SPATA12: variants seen among roughly 807,000 people sequenced by gnomAD.
SPATA12 encodes the protein spermatogenesis-associated protein 12.
For synonymous variants in SPATA12, 85 were observed against 89.2 expected (o/e 0.95, Z 0.26); for missense variants, 219 against 226.4 (o/e 0.97, Z 0.21).
intron 1 of SPATA12, among the ~76,000 whole-genome samples, chr3:57,061,402 A>T (rs1705217401): frequency 6.6e-6 from 1 of 152,134 alleles, no homozygotes; most frequent in African/African-American, 2.4e-5. Context: ...GGCTCAAGAG[A>T]TCCTCCTATC....
chr3:57,063,135 T>C (rs1705323936), intron 1 of SPATA12, among the ~76,000 whole-genome samples: 1 of 152,176 alleles, frequency 6.6e-6, no homozygotes, highest in African/African-American at 2.4e-5. Context: ...AGGTGCATTT[T>C]GGGCAGCGGG....
chr3:57,072,117 TAAC>T (rs142288086), intron 1 of SPATA12, among the ~76,000 whole-genome samples: 14,442 of 152,130 alleles, frequency 0.095, 903 homozygotes, highest in East Asian at 0.35. Flanking sequence ...AGATGGATAA[TAAC>T]AAGAGTTGAT....
chr3:57,062,419 C>A (rs1028138855), intron 1 of SPATA12, among the ~76,000 whole-genome samples: 1 of 152,222 alleles, frequency 6.6e-6, no homozygotes, highest in Non-Finnish European at 1.5e-5. Flanking sequence ...CCACAGCCCC[C>A]ACTCGGGCTC....
At chr3:57,066,840 G>C (rs1705566344) in intron 1 of SPATA12, among the ~76,000 whole-genome samples, 1 of 152,096 alleles carries the variant, frequency 6.6e-6, no homozygotes, top group Non-Finnish European at 1.5e-5. Context: ...ATTCTACCCA[G>C]AGAGCCTTTG....
Position 57,074,005 on chromosome 3 carries a change from G to A in SPATA12, c.311G>A (p.Arg104Lys). 2 of 1,614,198 alleles carry A rather than the reference G, an allele frequency of 1.2e-6. No individual in the cohort carries two copies. Among genetic ancestry groups the A allele is most frequent in the Non-Finnish European group, 8.5e-7 (1 of 1,180,034 alleles). The change falls in exon 2 of 2, where the codon AGA becomes AAA. Residue 104 changes from arginine to lysine, a missense_variant. Coordinates refer to ENST00000334325, the MANE Select transcript of SPATA12 (RefSeq NM_181727.2). The stretch of plus-strand genomic sequence containing the variant: ...GTATCCCAAATAAATCTTCTGGGAA[G>A]ACCCTCTTCACCTCCAGCTCTCCTG... ...IAVSQINLLG[R>K]PSSPPALLIQ... is the part of the protein sequence containing the mutation.
chr3:57,066,402 C>T (rs183664433), intron 1 of SPATA12, among the ~76,000 whole-genome samples: 5 of 152,278 alleles, frequency 3.3e-5, no homozygotes, highest in Non-Finnish European at 7.4e-5. Flanking sequence ...GCTGGGATTG[C>T]AGGCACCCGC....
chr3:57,073,751 G>A lies in SPATA12; in HGVS notation c.57G>A (p.Trp19Ter), dbSNP rs755584499. The change falls in exon 2 of 2, where the codon TGG becomes TGA. Residue 19 changes from tryptophan (W) to a stop codon, truncating the protein, a stop_gained. Coordinates refer to ENST00000334325, the MANE Select transcript of SPATA12 (RefSeq NM_181727.2). LOFTEE classifies it low-confidence loss of function (END_TRUNC). ...GSTLEKSGDT[W>*]EMKALDSSRL... is the part of the protein sequence containing the mutation. ...CCTTAGAAAAGTCAGGAGACACCTG[G>A]GAAATGAAGGCACTAGACTCTTCCA... 4 of 1,614,064 alleles carry A rather than the reference G, an allele frequency of 2.5e-6. No homozygotes were observed. The South Asian group carries it at 4.4e-5, about 18-fold the overall frequency.
chr3:57,066,707 A>G (rs1022733688), intron 1 of SPATA12, among the ~76,000 whole-genome samples: 2 of 152,212 alleles, frequency 1.3e-5, no homozygotes, highest in Non-Finnish European at 2.9e-5. Context: ...TATTTTTTAG[A>G]TGAGATTAAC....
Position 57,074,846 on chromosome 3 carries a change from C to G in SPATA12, c.*579C>G, listed in dbSNP as rs1159880544. Reference sequence around the variant, plus strand: ...CATTCCCCAGGTGGCAGTTTCAGAACACATTGCTCAGGTCTCACCCTGTAA... The same window carrying G: ...CATTCCCCAGGTGGCAGTTTCAGAAGACATTGCTCAGGTCTCACCCTGTAA... On this transcript the variant is annotated 3_prime_UTR_variant, in exon 2 of 2. Transcript: ENST00000334325. 2 of 168,408 alleles carry G rather than the reference C, an allele frequency of 1.2e-5. No individual in the cohort carries two copies. The allele number at this position is 168,408 out of a possible 1,614,324, so 10.4% of individuals were successfully genotyped here. A position where few individuals can be genotyped will look rare whatever the true frequency, so the allele number is the denominator to read the frequency against.
intron 1 of SPATA12, among the ~76,000 whole-genome samples, chr3:57,061,120 G>A (rs957090722): frequency 6.6e-6 from 1 of 152,024 alleles, no homozygotes; most frequent in Non-Finnish European, 1.5e-5. Flanking sequence ...TACCCATTCA[G>A]CGGTAACTCC....
intron 1 of SPATA12, among the ~76,000 whole-genome samples, chr3:57,068,703 T>C (rs1306777736): frequency 6.6e-6 from 1 of 152,200 alleles, no homozygotes; most frequent in African/African-American, 2.4e-5. Flanking sequence ...AGCCAAGCTG[T>C]ACCTTCTGAG....
chr3:57,062,702 G>GCACA (rs148193521), intron 1 of SPATA12, among the ~76,000 whole-genome samples: 1 of 150,192 alleles, frequency 6.7e-6, no homozygotes, highest in Non-Finnish European at 1.5e-5. Context: ...CTACACACAT[G>GCACA]CACACACACA....
At chr3:57,064,626 A>C (rs1705424245) in intron 1 of SPATA12, among the ~76,000 whole-genome samples, 1 of 152,238 alleles carries the variant, frequency 6.6e-6, no homozygotes, top group African/African-American at 2.4e-5. Flanking sequence ...GGAAATTCTG[A>C]CACATGTTAC....
At chr3:57,067,436 C>T (rs2107377466) in intron 1 of SPATA12, among the ~76,000 whole-genome samples, 1 of 143,738 alleles carries the variant, frequency 7.0e-6, no homozygotes, top group Middle Eastern at 3.5e-3. Flanking sequence ...GCCTGGGTGA[C>T]AGCAAGACTC....
chr3:57,074,084 T>C lies in SPATA12; in HGVS notation c.390T>C (p.Leu130=). 6.2e-7 allele frequency: 1 copy of C among 1,614,056 alleles called. No individual in the cohort carries two copies. The highest frequency in any genetic ancestry group is 8.5e-7 in the Non-Finnish European group (1 of 1,179,918). The part of the protein sequence containing the change: ...QVIHNSTPQF[L]GMEDGDNERT... ...TTCATAACTCTACACCTCAATTTCTTGGTATGGAAGATGGGGATAATGAGA... is the reference window on the plus strand; with the variant it reads ...TTCATAACTCTACACCTCAATTTCTCGGTATGGAAGATGGGGATAATGAGA... Residue 130 remains leucine, a synonymous_variant, in exon 2 of 2, where the codon CTT becomes CTC. Transcript: ENST00000334325.
intron 1 of SPATA12, among the ~76,000 whole-genome samples, chr3:57,064,581 T>A (rs1343414630): frequency 6.6e-6 from 1 of 152,200 alleles, no homozygotes; most frequent in African/African-American, 2.4e-5. Flanking sequence ...GTGCTGGGAT[T>A]ACAGGCATGA....
In SPATA12 at chr3:57,073,946, A is replaced by T; in HGVS notation, c.252A>T (p.Arg84Ser). The part of the protein sequence containing the change: ...GDVCQSETCQ[R>S]YLQAAISLDI... ...TGTGCCAAAGTGAGACCTGTCAGAG[A>T]TATTTACAAGCAGCCATCTCTCTTG... The change falls in exon 2 of 2, where the codon AGA becomes AGT. Residue 84 changes from arginine to serine, a missense_variant. Arg to Ser is a moderately radical substitution (Grantham distance 110). Transcript: ENST00000334325. 1 of 1,614,216 alleles carries T rather than the reference A, an allele frequency of 6.2e-7. No individual in the cohort carries two copies. Among genetic ancestry groups the T allele is most frequent in the South Asian group, 1.1e-5 (1 of 91,086 alleles).
In SPATA12 at chr3:57,073,654, A is replaced by C; in HGVS notation, c.-41A>C. 6.3e-7 allele frequency: 1 copy of C among 1,577,626 alleles called. No homozygotes were observed. Among genetic ancestry groups the C allele is most frequent in the Non-Finnish European group, 8.6e-7 (1 of 1,162,962 alleles). ...GGGATTGGCTCCGGCCAAGTGCCCC[A>C]GCCTCCTTTTCTGGAGAATTCTGTT... On this transcript the variant is annotated 5_prime_UTR_variant, in exon 2 of 2. Transcript: ENST00000334325.
chr3:57,061,513 C>G (rs1363351435), intron 1 of SPATA12, among the ~76,000 whole-genome samples: 5 of 152,148 alleles, frequency 3.3e-5, no homozygotes, highest in African/African-American at 1.2e-4. Context: ...TATGTACATA[C>G]CACATTTTGT....
Sources: allele counts gnomAD v4.1 joint callset (sites outside exome capture counted in the v4.1 genomes callset), GRCh38; gene constraint gnomAD v4.1.1; transcripts MANE v1.5; gene names NCBI Gene and HGNC (gene_info 2026-07-23, HGNC 2026-07-21).